Variants in DAGLB observed in about 807,000 individuals in gnomAD.
The protein encoded by DAGLB is diacylglycerol lipase beta.
DAGLB carries 66 observed loss-of-function variants against 72.1 expected under a neutral mutation model. That is an observed-to-expected ratio of 0.92 (90% confidence interval 0.75 to 1.12). The LOEUF (loss-of-function observed/expected upper bound fraction) is 1.12. Ranked by LOEUF, DAGLB falls within the 50% of genes most tolerant of loss-of-function variation. The pLI, the probability that DAGLB is intolerant of heterozygous loss-of-function variation, is 0.00. For missense variants in DAGLB, 1,065 were observed against 884.9 expected, an observed-to-expected ratio of 1.20 and a Z score of -2.58; for synonymous variants, 414 against 359.5, an observed-to-expected ratio of 1.15 and a Z score of -1.71.
chr7:6,447,861 C>A lies in DAGLB; in HGVS notation c.-19G>T. ...CCGGCATGGCGAAGGTCCCGTAGCT[C>A]GCACTCAGGAGAGACCCCGCGCGCC... On this transcript the variant is annotated 5_prime_UTR_variant, in exon 1 of 15. Transcript: ENST00000297056. 6.2e-7 allele frequency: 1 copy of A among 1,602,076 alleles called. No individual in the cohort carries two copies. The highest frequency in any genetic ancestry group is 1.1e-5 in the South Asian group (1 of 89,340).
At chr7:6,410,457 A>G (rs1783685369) in intron 13 of DAGLB, 77 bp from the exon 14 acceptor site, 1 of 1,523,248 alleles carries the variant, frequency 6.6e-7, no homozygotes, top group East Asian at 2.3e-5. Context: ...ACCAAGGCGG[A>G]CCAGGCACAG....
Position 6,434,929 on chromosome 7 carries a change from T to C in DAGLB, c.511A>G (p.Ser171Gly). Reference protein sequence around the residue: ...KMAPYSSAGPSHLDSHDSSQL... With the variant: ...KMAPYSSAGPGHLDSHDSSQL... ...CTTGAATCATGACTATCCAGGTGGC[T>C]GGGGCCGGCAGAGGAATATGGAGCC... is the stretch of plus-strand genomic sequence containing the variant. The change falls in exon 4 of 15, where the codon AGC becomes GGC. Residue 171 changes from serine (S) to glycine (G), a missense_variant. Physicochemically the swap from Ser to Gly is moderately conservative, Grantham distance 56 (BLOSUM62 0). Transcript: ENST00000297056. 6.2e-7 allele frequency: 1 copy of C among 1,614,122 alleles called. No individual in the cohort carries two copies. The highest frequency in any genetic ancestry group is 2.2e-5 in the East Asian group (1 of 44,874).
intron 3 of DAGLB, 98 bp downstream of exon 3, chr7:6,436,264 G>A (rs1157979086): frequency 7.0e-7 from 1 of 1,423,330 alleles, no homozygotes; most frequent in Non-Finnish European, 9.4e-7. Context: ...ACTATTTGAG[G>A]AAGTCCGAGG....
intron 8 of DAGLB, chr7:6,422,518 G>T (rs761920278): frequency 6.4e-6 from 1 of 155,542 alleles, no homozygotes; most frequent in Non-Finnish European, 1.4e-5. Context: ...GCTGTGATAA[G>T]AAACACAAAC....
In DAGLB at chr7:6,410,270, C is replaced by T. The variant is rs376656997; in HGVS notation, c.1680G>A (p.Leu560=). ...GDQEVLTQPL[L]GEQSLLTRWS... ...AGCGCGTCAGTAGGCTCTGCTCCCCCAGAAGAGGCTGTGTCAGGACTTCCT... is the reference window on the plus strand; with the variant it reads ...AGCGCGTCAGTAGGCTCTGCTCCCCTAGAAGAGGCTGTGTCAGGACTTCCT... Residue 560 remains leucine (L), a synonymous_variant, in exon 14 of 15, where the codon CTG becomes CTA. Transcript: ENST00000297056. 8 of 1,613,596 alleles carry T rather than the reference C, an allele frequency of 5.0e-6. No individual in the cohort carries two copies. Among genetic ancestry groups the T allele is most frequent in the Middle Eastern group, 1.6e-4 (1 of 6,084 alleles).
intron 3 of DAGLB, 72 bp downstream of exon 3, chr7:6,436,286 CTCTG>C: frequency 6.6e-7 from 1 of 1,519,502 alleles, no homozygotes; most frequent in Non-Finnish European, 8.8e-7. Context: ...ACGCTGGACT[CTCTG>C]TCATGTTAGA....
At chr7:6,431,450 A>C (rs116697691) in intron 5 of DAGLB, among the ~76,000 whole-genome samples, 1,569 of 152,236 alleles carry the variant, frequency 0.01, 21 homozygotes, top group African/African-American at 0.036. Context: ...TTGAACAGCA[A>C]ATTTCCTAAA....
At chr7:6,438,123 T>C (rs985685012) in intron 2 of DAGLB, among the ~76,000 whole-genome samples, 3 of 151,708 alleles carry the variant, frequency 2.0e-5, no homozygotes, top group African/African-American at 7.3e-5. Context: ...AAACACCGCA[T>C]GTTTTCACTC....
rs368066544 is a variant in DAGLB at position 6,410,350 on chromosome 7, C to T, written c.1600G>A (p.Glu534Lys). 12 of 1,613,562 alleles carry T rather than the reference C, an allele frequency of 7.4e-6. No homozygotes were observed. The highest frequency in any genetic ancestry group is 5.0e-5 in the Admixed American group (3 of 59,910). ...YKILLHGLWY[E>K]LFGGNPNNLP... ...TTGTTGGGGTTTCCTCCAAACAGTT[C>T]GTACCACAAACCGTGCAGCAAGATC... The change falls in exon 14 of 15, where the codon GAA becomes AAA. Residue 534 changes from glutamate (E) to lysine (K), a missense_variant. By Grantham distance (56) the Glu-to-Lys change is moderately conservative. Coordinates refer to ENST00000297056, the MANE Select transcript of DAGLB (RefSeq NM_139179.4).
chr7:6,415,986 C>A (rs1318562255), intron 11 of DAGLB, among the ~76,000 whole-genome samples: 3 of 151,872 alleles, frequency 2.0e-5, no homozygotes, highest in African/African-American at 7.3e-5. Context: ...GGCGATGTGC[C>A]TACCAGGCGC....
At chr7:6,443,017 C>CAA (rs71008392) in intron 2 of DAGLB, among the ~76,000 whole-genome samples, 6,517 of 120,822 alleles carry the variant, frequency 0.054, 416 homozygotes, top group African/African-American at 0.16. Flanking sequence ...TCTAAAAATA[C>CAA]AAAAAAAAAA....
At chr7:6,421,881 C>T (rs1163584483) in intron 8 of DAGLB, 77 bp from the exon 9 acceptor site, 22 of 1,477,536 alleles carry the variant, frequency 1.5e-5, no homozygotes, top group South Asian at 2.3e-5. Flanking sequence ...GTCCCTGCTC[C>T]TGACACTTCT....
intron 6 of DAGLB, among the ~76,000 whole-genome samples, chr7:6,426,981 G>A (rs1039532928): frequency 2.0e-5 from 3 of 152,088 alleles, no homozygotes; most frequent in African/African-American, 7.2e-5. Context: ...GGTGGCAGGC[G>A]CCTGTAATCC....
rs1294059203 is a variant in DAGLB, at chr7:6,430,777, ACTC to A, written c.802-173_802-171del. Among the ~76,000 whole-genome samples the A allele has an allele frequency of 3.0e-4, 44 of 148,426 alleles. 1 individual carries two copies. Among genetic ancestry groups the A allele is most frequent in the African/African-American group, 7.9e-4 (32 of 40,392 alleles). ...TGCTCCTTCAATAAGGATGACATGG[ACTC>A]CTCATTTTTTTTTTTTTTTAGAGTC... On this transcript the variant is annotated intron_variant, in intron 5 of 14. Coordinates refer to ENST00000297056, the MANE Select transcript of DAGLB (RefSeq NM_139179.4).
At chr7:6,413,833 C>T (rs1334727015) in intron 11 of DAGLB, among the ~76,000 whole-genome samples, 1 of 152,112 alleles carries the variant, frequency 6.6e-6, no homozygotes, top group African/African-American at 2.4e-5. Flanking sequence ...TGTGCCACTG[C>T]GGGGTCATCT....
Position 6,409,701 on chromosome 7 carries a change from T to C in DAGLB, c.*136A>G. ...CCATAAACTTAAGTCATTGAGACCA[T>C]GGAATTCTGTTCCCATCCGATTCCT... On this transcript the variant is annotated 3_prime_UTR_variant, in exon 15 of 15. Transcript: ENST00000297056. The C allele has an allele frequency of 1.9e-6, 2 of 1,027,706 alleles. No homozygotes were observed. The highest frequency in any genetic ancestry group is 2.8e-5 in the Admixed American group (1 of 36,284). The allele number at this position is 1,027,706 out of a possible 1,614,324, so 63.7% of individuals were successfully genotyped here.
chr7:6,417,240 C>G (rs977347659), intron 9 of DAGLB: 7 of 220,602 alleles, frequency 3.2e-5, no homozygotes, highest in South Asian at 6.9e-5. Flanking sequence ...AAATACAAGA[C>G]CAGCCTGGAT....
chr7:6,435,638 G>A (rs572436846), intron 3 of DAGLB, among the ~76,000 whole-genome samples: 3 of 152,268 alleles, frequency 2.0e-5, no homozygotes, highest in African/African-American at 7.2e-5. Context: ...TATGGCCCTG[G>A]GACCATGACA....
At chr7:6,430,262 T>C (rs1420264202) in intron 6 of DAGLB, among the ~76,000 whole-genome samples, 1 of 106,860 alleles carries the variant, frequency 9.4e-6, no homozygotes, top group African/African-American at 3.5e-5. Context: ...TATATATATA[T>C]ATATATATAT....
Sources: allele counts gnomAD v4.1 joint callset (sites outside exome capture counted in the v4.1 genomes callset), GRCh38; gene constraint gnomAD v4.1.1; transcripts MANE v1.5; gene names NCBI Gene and HGNC (gene_info 2026-07-23, HGNC 2026-07-21).